NRG3: variants seen among roughly 807,000 people sequenced by gnomAD.
NRG3 encodes pro-neuregulin-3, membrane-bound isoform.
NRG3 carries 31 observed loss-of-function variants against 66.9 expected under a neutral mutation model. The ratio of observed to expected loss-of-function variants is 0.46; its 90% CI spans 0.35 to 0.63. The LOEUF (loss-of-function observed/expected upper bound fraction) is 0.63, where lower values mean the gene tolerates loss of function less well. NRG3 is among the 20% of genes least tolerant of loss of function. NRG3 has a pLI of 0.00. For synonymous variants in NRG3, 393 were observed against 359.4 expected (o/e 1.09, Z -1.06); for missense variants, 910 against 878.9 (o/e 1.04, Z -0.45).
chr10:82,196,574 TA>T (rs144555153), intron 1 of NRG3, among the ~76,000 whole-genome samples: 6,994 of 152,254 alleles, frequency 0.046, 170 homozygotes, highest in South Asian at 0.068. Context: ...TCAACTATGC[TA>T]AAAGGTAATA....
intron 1 of NRG3, among the ~76,000 whole-genome samples, chr10:81,942,731 C>T (rs958346210): frequency 2.0e-5 from 3 of 152,240 alleles, no homozygotes; most frequent in East Asian, 1.9e-4. Flanking sequence ...TTGAGGACCT[C>T]ACATATACCA....
intron 4 of NRG3, among the ~76,000 whole-genome samples, chr10:82,927,926 T>A (rs1847174787): frequency 6.6e-6 from 1 of 152,096 alleles, no homozygotes; most frequent in African/African-American, 2.4e-5. Flanking sequence ...CACACTGTCA[T>A]CCACAATGGT....
intron 2 of NRG3, among the ~76,000 whole-genome samples, chr10:82,570,232 A>T (rs1214625688): frequency 1.3e-5 from 2 of 151,694 alleles, no homozygotes; most frequent in African/African-American, 4.8e-5. Flanking sequence ...ACTGTTTGGG[A>T]ATAAAGGTTA....
intron 1 of NRG3, among the ~76,000 whole-genome samples, chr10:82,292,629 G>A (rs1365750314): frequency 1.3e-5 from 2 of 152,174 alleles, no homozygotes; most frequent in African/African-American, 4.8e-5. Context: ...TAAACACACT[G>A]TGGCACATGT....
chr10:82,571,275 G>T (rs1009419161), intron 2 of NRG3, among the ~76,000 whole-genome samples: 4 of 151,336 alleles, frequency 2.6e-5, no homozygotes, highest in African/African-American at 9.7e-5. Context: ...CTAGACAAGG[G>T]ATTGAACAAA....
intron 2 of NRG3, among the ~76,000 whole-genome samples, chr10:82,379,113 T>A (rs1388827822): frequency 6.6e-6 from 1 of 152,132 alleles, no homozygotes; most frequent in African/African-American, 2.4e-5. Flanking sequence ...CCTCAGGATG[T>A]TCCCCCTGGG....
intron 1 of NRG3, among the ~76,000 whole-genome samples, chr10:82,098,315 G>T (rs978701898): frequency 5.3e-5 from 8 of 149,998 alleles, no homozygotes; most frequent in Admixed American, 1.3e-4. Flanking sequence ...TATAGATATA[G>T]ATGTCATCTA....
At chr10:82,104,096 AT>A (rs1181261842) in intron 1 of NRG3, among the ~76,000 whole-genome samples, 3 of 151,682 alleles carry the variant, frequency 2.0e-5, no homozygotes, top group Non-Finnish European at 2.9e-5. Flanking sequence ...TTGTTCTTCA[AT>A]TTTTTTGACT....
At chr10:82,631,322 T>C (rs1008036546) in intron 2 of NRG3, among the ~76,000 whole-genome samples, 1 of 152,150 alleles carries the variant, frequency 6.6e-6, no homozygotes, top group African/African-American at 2.4e-5. Flanking sequence ...TGACTTCTGC[T>C]AAAAACAACC....
chr10:82,250,036 C>G (rs1270082953), intron 1 of NRG3, among the ~76,000 whole-genome samples: 2 of 152,138 alleles, frequency 1.3e-5, no homozygotes, highest in African/African-American at 4.8e-5. Flanking sequence ...CTCCAGAGGT[C>G]CTGGCTTGTT....
chr10:81,902,009 A>G lies in NRG3; in HGVS notation c.823+25846A>G, dbSNP rs993304259. 3.3e-5 allele frequency among the ~76,000 whole-genome samples: 5 copies of G among 152,250 alleles called. No individual in the cohort carries two copies. In the East Asian group the frequency reaches 7.8e-4, roughly 24 times the overall value. On this transcript the variant is annotated intron_variant, in intron 1 of 8. Transcript: ENST00000372141. ...TTTATAAGCAGGTAACTTCCTGCCT[A>G]TATAAGGTAACTTTCACGGATTTCA...
intron 2 of NRG3, among the ~76,000 whole-genome samples, chr10:82,477,134 T>G (rs1484891112): frequency 1.3e-5 from 2 of 152,016 alleles, no homozygotes; most frequent in Non-Finnish European, 2.9e-5. Flanking sequence ...AGTGTGGGGA[T>G]TCCATATGGA....
At chr10:82,289,741 T>G (rs1049374082) in intron 1 of NRG3, among the ~76,000 whole-genome samples, 2 of 152,204 alleles carry the variant, frequency 1.3e-5, no homozygotes, top group Admixed American at 1.3e-4. Context: ...TTCCTCAATA[T>G]AACATTTTTA....
At chr10:82,352,580 G>T (rs1033154127) in intron 1 of NRG3, among the ~76,000 whole-genome samples, 3 of 152,112 alleles carry the variant, frequency 2.0e-5, no homozygotes, top group African/African-American at 7.2e-5. Context: ...ATATCCAATG[G>T]GAATTTATTT....
intron 3 of NRG3, among the ~76,000 whole-genome samples, chr10:82,833,709 T>G (rs191379189): frequency 2.0e-5 from 3 of 152,190 alleles, no homozygotes; most frequent in Admixed American, 6.5e-5. Flanking sequence ...GCACAACACC[T>G]TCACAATTCT....
At chr10:82,971,383 G>A (rs562685356) in intron 6 of NRG3, among the ~76,000 whole-genome samples, 2 of 150,540 alleles carry the variant, frequency 1.3e-5, no homozygotes, top group South Asian at 4.2e-4. Flanking sequence ...AGGTAATTAA[G>A]TTATGACAAT....
chr10:82,079,740 G>T (rs977012072), intron 1 of NRG3, among the ~76,000 whole-genome samples: 2 of 152,016 alleles, frequency 1.3e-5, no homozygotes, highest in Non-Finnish European at 2.9e-5. Context: ...TTTAAAATTG[G>T]CTTCTTTCAC....
At chr10:82,004,002 C>CAT (rs2061279079) in intron 1 of NRG3, among the ~76,000 whole-genome samples, 2 of 145,530 alleles carry the variant, frequency 1.4e-5, no homozygotes, top group African/African-American at 5.2e-5. Flanking sequence ...CACACACACA[C>CAT]ACACACACAC....
intron 1 of NRG3, among the ~76,000 whole-genome samples, chr10:81,890,609 C>T (rs1564634916): frequency 6.6e-6 from 1 of 152,158 alleles, no homozygotes; most frequent in Non-Finnish European, 1.5e-5. Flanking sequence ...CCTGGTATTC[C>T]ACAGTGTATT....
Sources: gnomAD v4.1 joint callset for allele counts (sites outside exome capture counted in the v4.1 genomes callset) on GRCh38, gnomAD v4.1.1 for gene constraint, MANE v1.5 for transcripts, NCBI Gene and HGNC (gene_info 2026-07-23, HGNC 2026-07-21) for gene names.